MEIS2: variants seen among roughly 807,000 people sequenced by gnomAD.
The protein encoded by MEIS2 is Meis homeobox 2.
MEIS2 carries 9 observed loss-of-function variants against 58.6 expected under a neutral mutation model. The observed-to-expected ratio is 0.15, with a 90% confidence interval of 0.09 to 0.27. The LOEUF (loss-of-function observed/expected upper bound fraction) is 0.27. Among genes scored for constraint, MEIS2 ranks in the 10% least tolerant of loss-of-function variants. The probability of loss-of-function intolerance (pLI) is 1.00; values close to 1 mark genes in which losing one functional copy is unlikely to be tolerated. For synonymous variants in MEIS2, 221 were observed against 228.4 expected, an observed-to-expected ratio of 0.97 and a Z score of 0.29; for missense variants, 427 against 635.0, an observed-to-expected ratio of 0.67 and a Z score of 3.52.
At chr15:36,916,879 G>T (rs926884791) in intron 9 of MEIS2, among the ~76,000 whole-genome samples, 2 of 152,174 alleles carry the variant, frequency 1.3e-5, no homozygotes, top group Non-Finnish European at 2.9e-5. Flanking sequence ...CTATGGAGTG[G>T]ATAACATTAT....
intron 8 of MEIS2, among the ~76,000 whole-genome samples, chr15:36,952,674 AGAAGG>A (rs932801702): frequency 2.6e-5 from 4 of 151,134 alleles, no homozygotes; most frequent in African/African-American, 9.7e-5. Context: ...CGAGAGAGAG[AGAAGG>A]TTTAGATGAA....
Position 36,892,149 on chromosome 15 carries a change from C to T in MEIS2, c.*24G>A, listed in dbSNP as rs940982704. 6.2e-7 allele frequency: 1 copy of T among 1,611,750 alleles called. No homozygotes were observed. Among genetic ancestry groups the T allele is most frequent in the Non-Finnish European group, 8.5e-7 (1 of 1,178,720 alleles). ...CTTAAAATAGTTTTTGCGTGTGTTT[C>T]CTTTTCCCTTGAGTTCCCTTATACT... On this transcript the variant is annotated 3_prime_UTR_variant, in exon 12 of 12. Coordinates refer to ENST00000561208, the MANE Select transcript of MEIS2 (RefSeq NM_170675.5).
chr15:36,924,036 G>A (rs1369635689), intron 9 of MEIS2, among the ~76,000 whole-genome samples: 2 of 152,188 alleles, frequency 1.3e-5, no homozygotes, highest in East Asian at 1.9e-4. Flanking sequence ...CCTTTTTAAG[G>A]TTCTGTGACC....
At chr15:37,055,234 T>C (rs758756111) in intron 7 of MEIS2, among the ~76,000 whole-genome samples, 11 of 152,186 alleles carry the variant, frequency 7.2e-5, no homozygotes, top group Non-Finnish European at 1.3e-4. Context: ...GATTTTGTGG[T>C]TGATCAACTT....
At chr15:37,015,621 T>G (rs537020639) in intron 8 of MEIS2, among the ~76,000 whole-genome samples, 1 of 151,974 alleles carries the variant, frequency 6.6e-6, no homozygotes, top group Non-Finnish European at 1.5e-5. Context: ...GGGGAGCATC[T>G]GGGAGCTGTG....
intron 9 of MEIS2, among the ~76,000 whole-genome samples, chr15:36,913,586 T>TA (rs2057140358): frequency 1.3e-5 from 2 of 151,926 alleles, no homozygotes; most frequent in Non-Finnish European, 1.5e-5. Flanking sequence ...TAGAACAGAG[T>TA]AAAAAAAATA....
At chr15:37,078,718 C>T (rs1481120484) in intron 7 of MEIS2, among the ~76,000 whole-genome samples, 1 of 148,002 alleles carries the variant, frequency 6.8e-6, no homozygotes, top group Non-Finnish European at 1.5e-5. Context: ...CAGGCTAAAA[C>T]ATCTGGGAAA....
intron 7 of MEIS2, among the ~76,000 whole-genome samples, chr15:37,081,926 A>C (rs1369976929): frequency 2.0e-5 from 3 of 152,194 alleles, no homozygotes; most frequent in African/African-American, 7.2e-5. Context: ...AAAACTAACT[A>C]ACCGAAACGC....
chr15:36,935,193 T>C (rs556690119), intron 9 of MEIS2, among the ~76,000 whole-genome samples: 11 of 151,862 alleles, frequency 7.2e-5, no homozygotes, highest in African/African-American at 1.4e-4. Flanking sequence ...TTTCTTTTTT[T>C]TTTTTTTTTT....
intron 8 of MEIS2, 178 bp downstream of exon 8, chr15:37,036,636 G>T: frequency 1.8e-6 from 1 of 552,180 alleles, no homozygotes; most frequent in Non-Finnish European, 3.0e-6. Flanking sequence ...CTTTCTAGAG[G>T]GTGCTCTTTG....
intron 8 of MEIS2, among the ~76,000 whole-genome samples, chr15:36,998,576 C>G (rs1004592691): frequency 1.3e-5 from 2 of 152,072 alleles, no homozygotes; most frequent in Admixed American, 1.3e-4. Flanking sequence ...TAAAATCTCT[C>G]CTCTGTTACA....
At chr15:37,058,115 C>T (rs1005049611) in intron 7 of MEIS2, among the ~76,000 whole-genome samples, 1 of 152,072 alleles carries the variant, frequency 6.6e-6, no homozygotes, top group Non-Finnish European at 1.5e-5. Context: ...GGGAATGCTT[C>T]TACAGCAATG....
At chr15:37,003,482 G>A (rs76198467) in intron 8 of MEIS2, among the ~76,000 whole-genome samples, 2,008 of 151,988 alleles carry the variant, frequency 0.013, 25 homozygotes, top group Middle Eastern at 0.024. Context: ...TCAATAAAAG[G>A]CAAGAGTTCT....
chr15:36,979,732 A>T (rs1183875688), intron 8 of MEIS2, among the ~76,000 whole-genome samples: 2 of 147,426 alleles, frequency 1.4e-5, no homozygotes, highest in East Asian at 1.9e-4. Flanking sequence ...TACATTTTAC[A>T]TTTATTATAT....
rs1175215375 is a variant in MEIS2, at chr15:36,978,441, C to T, written c.901-28041G>A. Among the ~76,000 whole-genome samples, 7 of 152,232 alleles carry T rather than the reference C, an allele frequency of 4.6e-5. No individual in the cohort carries two copies. In the East Asian group the frequency reaches 9.6e-4, roughly 21 times the overall value. On this transcript the variant is annotated intron_variant, in intron 8 of 11. Coordinates refer to ENST00000561208, the MANE Select transcript of MEIS2 (RefSeq NM_170675.5). ...TCTGTGCTCTTATCGCTGTACCACA[C>T]TGGTATTGTGCTACAGGCACTGAAG... is the stretch of plus-strand genomic sequence containing the variant.
chr15:37,020,459 T>G (rs2061487952), intron 8 of MEIS2, among the ~76,000 whole-genome samples: 1 of 152,250 alleles, frequency 6.6e-6, no homozygotes. Context: ...AAATAAGAAC[T>G]CAATTTGTGG....
At chr15:37,040,047 G>GTTTTTTT (rs11393172) in intron 7 of MEIS2, among the ~76,000 whole-genome samples, 2 of 145,108 alleles carry the variant, frequency 1.4e-5, no homozygotes, top group Non-Finnish European at 1.5e-5. Context: ...GGATATTGGT[G>GTTTTTTT]TTTTTTTTTT....
chr15:37,070,082 A>G (rs1890495736), intron 7 of MEIS2, among the ~76,000 whole-genome samples: 1 of 152,178 alleles, frequency 6.6e-6, no homozygotes, highest in Non-Finnish European at 1.5e-5. Context: ...CCTCATTTAT[A>G]CATTTTAGAG....
chr15:36,969,092 T>G (rs1273298005), intron 8 of MEIS2, among the ~76,000 whole-genome samples: 1 of 152,256 alleles, frequency 6.6e-6, no homozygotes, highest in Non-Finnish European at 1.5e-5. Flanking sequence ...TGGTAGCAAG[T>G]ATTTTAAGCC....
Sources: allele counts gnomAD v4.1 joint callset (sites outside exome capture counted in the v4.1 genomes callset), GRCh38; gene constraint gnomAD v4.1.1; transcripts MANE v1.5; gene names NCBI Gene and HGNC (gene_info 2026-07-23, HGNC 2026-07-21).